Variants in CPEB3 observed in about 807,000 individuals in gnomAD.
The protein encoded by CPEB3 is cytoplasmic polyadenylation element binding protein 3.
CPEB3 carries 20 observed loss-of-function variants against 67.2 expected under a neutral mutation model. The observed-to-expected ratio is 0.30, with a 90% CI of 0.21 to 0.43. The LOEUF is 0.43. Among genes scored for constraint, CPEB3 ranks in the 20% least tolerant of loss-of-function variants. The pLI, the probability that CPEB3 is intolerant of heterozygous loss-of-function variation, is 1.00. For missense variants in CPEB3, 746 were observed against 968.6 expected, an observed-to-expected ratio of 0.77 and a Z score of 3.05; for synonymous variants, 376 against 393.1, an observed-to-expected ratio of 0.96 and a Z score of 0.51.
At chr10:92,163,405 G>A (rs775299006) in intron 4 of CPEB3, among the ~76,000 whole-genome samples, 5 of 152,008 alleles carry the variant, frequency 3.3e-5, no homozygotes, top group Non-Finnish European at 7.4e-5. Context: ...TTGCACCCCA[G>A]CCTGGGCAAC....
chr10:92,134,175 G>C (rs1248356819), intron 6 of CPEB3, among the ~76,000 whole-genome samples: 1 of 152,114 alleles, frequency 6.6e-6, no homozygotes, highest in East Asian at 1.9e-4. Flanking sequence ...AGGGCAATCA[G>C]GCAAGAGAAA....
At chr10:92,215,785 T>A (rs1003238406) in intron 2 of CPEB3, among the ~76,000 whole-genome samples, 3 of 136,050 alleles carry the variant, frequency 2.2e-5, no homozygotes, top group African/African-American at 8.2e-5. Context: ...AGTCTCACTC[T>A]GTCACCAGGC....
intron 7 of CPEB3, among the ~76,000 whole-genome samples, chr10:92,098,770 C>CT (rs984013045): frequency 0.05 from 6,272 of 124,490 alleles, 505 homozygotes; most frequent in African/African-American, 0.15. Context: ...TTCTTTTTTT[C>CT]TTTTTTTTTT....
intron 4 of CPEB3, among the ~76,000 whole-genome samples, chr10:92,160,328 G>C (rs185158776): frequency 6.6e-6 from 1 of 152,168 alleles, no homozygotes; most frequent in Admixed American, 6.5e-5. Flanking sequence ...CAATTTAAGG[G>C]ACTTTTATAC....
chr10:92,210,469 T>C (rs1356433558), intron 2 of CPEB3, among the ~76,000 whole-genome samples: 1 of 152,146 alleles, frequency 6.6e-6, no homozygotes, highest in East Asian at 1.9e-4. Flanking sequence ...GAACTGAATG[T>C]GTATAAAAAA....
intron 6 of CPEB3, among the ~76,000 whole-genome samples, chr10:92,112,145 T>TC (rs1844778621): frequency 8.0e-6 from 1 of 124,762 alleles, no homozygotes; most frequent in African/African-American, 3.2e-5. Flanking sequence ...TTTTTTTTTT[T>TC]TTTTGAGATG....
intron 4 of CPEB3, among the ~76,000 whole-genome samples, chr10:92,167,156 G>C (rs1847783075): frequency 6.6e-6 from 1 of 152,164 alleles, no homozygotes; most frequent in African/African-American, 2.4e-5. Context: ...GGAATGTTGT[G>C]GCTGGTTTGT....
intron 2 of CPEB3, among the ~76,000 whole-genome samples, chr10:92,225,558 A>C (rs1590442995): frequency 6.6e-6 from 1 of 152,262 alleles, no homozygotes; most frequent in South Asian, 2.1e-4. Flanking sequence ...AAATCCCCCA[A>C]ATATGAAAAC....
chr10:92,146,900 G>A (rs1344877605), intron 4 of CPEB3, among the ~76,000 whole-genome samples: 3 of 152,096 alleles, frequency 2.0e-5, no homozygotes, highest in Admixed American at 6.6e-5. Flanking sequence ...ATCCAGTGAC[G>A]TTCTCCTAGA....
At chr10:92,142,033 T>TA (rs1325962002) in intron 6 of CPEB3, among the ~76,000 whole-genome samples, 1,621 of 92,870 alleles carry the variant, frequency 0.017, 20 homozygotes, top group South Asian at 0.04. Context: ...AAAAAACAAA[T>TA]AAAAACAAAA....
chr10:92,183,661 CA>C (rs1164869202), intron 3 of CPEB3, among the ~76,000 whole-genome samples: 1 of 152,168 alleles, frequency 6.6e-6, no homozygotes. Flanking sequence ...AAAAGCCCAT[CA>C]AGACTTCAAA....
intron 8 of CPEB3, among the ~76,000 whole-genome samples, chr10:92,085,124 T>C (rs1843319212): frequency 6.6e-6 from 1 of 152,168 alleles, no homozygotes; most frequent in African/African-American, 2.4e-5. Context: ...GTTCTTAACA[T>C]TTAACCTGAG....
At chr10:92,062,037 T>C (rs889399630) in intron 9 of CPEB3, among the ~76,000 whole-genome samples, 19 of 151,086 alleles carry the variant, frequency 1.3e-4, no homozygotes, top group African/African-American at 4.4e-4. Context: ...AGGTCAGGAG[T>C]TTGAGACCAG....
chr10:92,118,293 G>A (rs952325598), intron 6 of CPEB3, among the ~76,000 whole-genome samples: 6 of 152,054 alleles, frequency 3.9e-5, no homozygotes, highest in Non-Finnish European at 5.9e-5. Flanking sequence ...CACCACACCT[G>A]GCTAATTTTT....
rs571077501 is a variant in CPEB3 at position 92,187,965 on chromosome 10, G to A, written c.1165+4512C>T. On this transcript the variant is annotated intron_variant, in intron 3 of 9. Transcript: ENST00000265997. The stretch of plus-strand genomic sequence containing the variant: ...AATCTTAGCACTTTGGGAGACTGAG[G>A]TGGAAGGATTGCTTGAGCTCAGGAG... Among the ~76,000 whole-genome samples the A allele has an allele frequency of 9.2e-5, 14 of 152,186 alleles. No individual in the cohort carries two copies. The South Asian group carries it at 2.7e-3, about 29-fold the overall frequency.
intron 1 of CPEB3, among the ~76,000 whole-genome samples, chr10:92,245,069 G>A (rs1320080269): frequency 1.3e-5 from 2 of 151,304 alleles, no homozygotes; most frequent in African/African-American, 4.9e-5. Flanking sequence ...CCACTGATTT[G>A]CAGCATACTG....
intron 7 of CPEB3, among the ~76,000 whole-genome samples, chr10:92,100,567 C>G (rs1013053058): frequency 6.6e-6 from 1 of 151,740 alleles, no homozygotes; most frequent in Admixed American, 6.6e-5. Flanking sequence ...TGAGCCACCA[C>G]GCCCAGCCAA....
At chr10:92,190,665 C>CAAAAAAAA (rs780757034) in intron 3 of CPEB3, among the ~76,000 whole-genome samples, 38 of 78,396 alleles carry the variant, frequency 4.8e-4, no homozygotes, top group Non-Finnish European at 7.4e-4. Flanking sequence ...AACTCCATCT[C>CAAAAAAAA]AAAAAAAAAA....
At position 92,239,706 on chromosome 10, in the gene CPEB3, G is replaced by C. The variant is rs1436741306; in HGVS notation, c.645C>G (p.Ile215Met). The change falls in exon 2 of 10, where the codon ATC becomes ATG. Residue 215 changes from isoleucine (I) to methionine (M), a missense_variant. By Grantham distance (10) the Ile-to-Met change is conservative (BLOSUM62 1). Coordinates refer to ENST00000265997, the MANE Select transcript of CPEB3 (RefSeq NM_014912.5). This position sits in a 1 kb window ranked among gnomAD's most constrained non-coding sequence, Gnocchi z 6.0. ...SAAAAYGHQP[I>M]MTSKPSSSSA... ...AAGACGAGGACGGCTTGCTGGTCAT[G>C]ATGGGCTGGTGGCCGTACGCCGCGG... 9 of 1,567,418 alleles carry C rather than the reference G, an allele frequency of 5.7e-6. No homozygotes were observed. In the African/African-American group the frequency reaches 1.1e-4, roughly 19 times the overall value.
Sources: gnomAD v4.1 joint callset for allele counts (sites outside exome capture counted in the v4.1 genomes callset) on GRCh38, gnomAD v4.1.1 for gene constraint, Gnocchi (gnomAD v3.1) non-coding constraint, MANE v1.5 for transcripts, NCBI Gene and HGNC (gene_info 2026-07-23, HGNC 2026-07-21) for gene names.